Variants in SP100 observed in about 807,000 individuals in gnomAD.
The protein encoded by SP100 is nuclear autoantigen Sp-100.
In SP100, 84 loss-of-function variants were observed where a neutral mutation model predicts 130.0. That is an observed-to-expected ratio of 0.65 (90% CI 0.54 to 0.77). The LOEUF (loss-of-function observed/expected upper bound fraction) is 0.77. Ranked by LOEUF, SP100 falls within the 30% of genes least tolerant of loss-of-function variation. The pLI is 0.00. For missense variants in SP100, 978 were observed against 1,052.2 expected, an observed-to-expected ratio of 0.93 and a Z score of 0.97; for synonymous variants, 331 against 351.7, an observed-to-expected ratio of 0.94 and a Z score of 0.66.
chr2:230,433,810 A>C (rs760303716), intron 2 of SP100, among the ~76,000 whole-genome samples: 4 of 151,308 alleles, frequency 2.6e-5, no homozygotes, highest in African/African-American at 9.7e-5. Flanking sequence ...AATATTATTC[A>C]TAACTTATTC....
chr2:230,503,043 ATGT>A lies in SP100; in HGVS notation c.1721-18_1721-16del. 6.4e-7 allele frequency: 1 copy of A among 1,570,288 alleles called. No homozygotes were observed. Among genetic ancestry groups the A allele is most frequent in the Non-Finnish European group, 8.7e-7 (1 of 1,149,056 alleles). On this transcript the variant is annotated intron_variant, in intron 19 of 28. Coordinates refer to ENST00000340126, the MANE Select transcript of SP100 (RefSeq NM_001080391.2). Reference sequence around the variant, plus strand: ...CTATTTGCAATGTAAAGAGACATTTATGTTGTTTTTCAACTTTCTCAGGAAGAA... The same window carrying A: ...CTATTTGCAATGTAAAGAGACATTTATGTTTTTCAACTTTCTCAGGAAGAA...
chr2:230,503,331 G>T (rs1340993789), intron 20 of SP100, among the ~76,000 whole-genome samples: 2 of 152,098 alleles, frequency 1.3e-5, no homozygotes, highest in Non-Finnish European at 2.9e-5. Context: ...TGAGCAATGT[G>T]CACGTTCTTT....
At chr2:230,461,154 G>A in intron 8 of SP100, 108 bp from the exon 9 acceptor site, 1 of 1,009,530 alleles carries the variant, frequency 9.9e-7, no homozygotes, top group Non-Finnish European at 1.5e-6. Flanking sequence ...CGGAGGTGGG[G>A]TGAAGGTCTA....
At chr2:230,416,759 C>A (rs981494271) in intron 1 of SP100, 1 of 988,342 alleles carries the variant, frequency 1.0e-6, no homozygotes. Flanking sequence ...AAACATCAGA[C>A]GCTGTGGTCT....
chr2:230,479,466 C>T (rs1311016020), intron 17 of SP100, among the ~76,000 whole-genome samples: 3 of 152,138 alleles, frequency 2.0e-5, no homozygotes, highest in Admixed American at 6.5e-5. Context: ...GACCTCATCA[C>T]GCTTCCCTTT....
rs1316896255 is a variant in SP100, at chr2:230,511,160, C to T, written c.2088C>T (p.Asp696=). 27 of 1,607,544 alleles carry T rather than the reference C, an allele frequency of 1.7e-5. No individual in the cohort carries two copies. Among genetic ancestry groups the T allele is most frequent in the Non-Finnish European group, 2.3e-5 (27 of 1,174,158 alleles). The change falls in exon 24 of 29, where the codon GAC becomes GAT. Residue 696 remains aspartate, a synonymous_variant. Transcript: ENST00000340126. The part of the protein sequence containing the change: ...ILESHNNTLV[D]PCPENSNICE... ...AATCTCACAACAATACCTTAGTTGA[C>T]CCTTGTGTAAGTATAAATTTCCGAC...
At position 230,464,058 on chromosome 2, in the gene SP100, T is replaced by G; in HGVS notation, c.1058-9T>G. On this transcript the variant is annotated splice_polypyrimidine_tract_variant and intron_variant, in intron 10 of 28. Coordinates refer to ENST00000340126, the MANE Select transcript of SP100 (RefSeq NM_001080391.2). ...TGAGACCTCTAAAGAATCCCATTCT[T>G]TTGTGCAGTGATCAATAATGACAAC... 1 of 1,597,548 alleles carries G rather than the reference T, an allele frequency of 6.3e-7. No homozygotes were observed. The highest frequency in any genetic ancestry group is 1.7e-5 in the Admixed American group (1 of 59,964).
In SP100 at chr2:230,537,673, C is replaced by A. The variant is rs570887998; in HGVS notation, c.2095-1594C>A. 5.9e-5 allele frequency: 9 copies of A among 152,420 alleles called. No homozygotes were observed. In the South Asian group the frequency reaches 1.9e-3, roughly 32 times the overall value. The allele number at this position is 152,420 out of a possible 1,614,324, so 9.4% of individuals were successfully genotyped here. On this transcript the variant is annotated intron_variant, in intron 24 of 28. Transcript: ENST00000340126. ...TTGTAATGTGGGTTTTCAACCTTGG[C>A]TGCACGTTGCAATCACCTGGGGATC...
At chr2:230,416,368 C>T (rs1053106413) in intron 1 of SP100, 40 bp downstream of exon 1, 9 of 1,582,132 alleles carry the variant, frequency 5.7e-6, no homozygotes, top group Admixed American at 3.4e-5. Flanking sequence ...TTATCTCTGG[C>T]TATATTGCAG....
intron 23 of SP100, chr2:230,508,259 A>C: frequency 1.9e-6 from 1 of 538,618 alleles, no homozygotes; most frequent in Non-Finnish European, 3.0e-6. Context: ...AAATAGATTA[A>C]AAGACAGAAC....
At chr2:230,437,895 C>T (rs2063342711) in intron 2 of SP100, among the ~76,000 whole-genome samples, 1 of 152,144 alleles carries the variant, frequency 6.6e-6, no homozygotes, top group Non-Finnish European at 1.5e-5. Flanking sequence ...AATATTAAAT[C>T]ACTCATTAAT....
At chr2:230,452,655 G>C (rs1047447316) in intron 8 of SP100, among the ~76,000 whole-genome samples, 5 of 152,002 alleles carry the variant, frequency 3.3e-5, no homozygotes, top group Non-Finnish European at 7.4e-5. Flanking sequence ...CACCTCCTTA[G>C]TTAAATTTAT....
intron 17 of SP100, 130 bp downstream of exon 17, chr2:230,474,577 T>A (rs1441926303): frequency 1.7e-6 from 1 of 590,922 alleles, no homozygotes. Flanking sequence ...GCAGGTTTGT[T>A]ACATGGGTAA....
chr2:230,508,133 T>A (rs1446378348), intron 23 of SP100, 102 bp downstream of exon 23: 3 of 1,537,124 alleles, frequency 2.0e-6, no homozygotes, highest in Non-Finnish European at 1.8e-6. Flanking sequence ...ATCATAAAAT[T>A]TGATTTTATA....
At chr2:230,454,585 G>A (rs917711895) in intron 8 of SP100, among the ~76,000 whole-genome samples, 2 of 151,856 alleles carry the variant, frequency 1.3e-5, no homozygotes, top group Non-Finnish European at 2.9e-5. Flanking sequence ...CCATGTATTT[G>A]CAAATTTTTC....
At chr2:230,444,831 G>T (rs1423806068) in intron 4 of SP100, among the ~76,000 whole-genome samples, 1 of 152,158 alleles carries the variant, frequency 6.6e-6, no homozygotes, top group Non-Finnish European at 1.5e-5. Context: ...GGCAAGCTGA[G>T]TTACAAGAGT....
chr2:230,534,811 C>A (rs1404968891), intron 24 of SP100, among the ~76,000 whole-genome samples: 1 of 152,102 alleles, frequency 6.6e-6, no homozygotes. Flanking sequence ...CAGAAATAAC[C>A]AAATTTCCTC....
At chr2:230,484,273 G>T (rs147327250) in intron 17 of SP100, among the ~76,000 whole-genome samples, 1 of 152,328 alleles carries the variant, frequency 6.6e-6, no homozygotes, top group African/African-American at 2.4e-5. Flanking sequence ...CAAATAATTT[G>T]CCACACTGCA....
In SP100 at chr2:230,539,324, G is replaced by A. The variant is rs750581118; in HGVS notation, c.2152G>A (p.Asp718Asn). Residue 718 changes from aspartate (D) to asparagine (N), a missense_variant, in exon 25 of 29, where the codon GAC becomes AAC. Physicochemically the swap from Asp to Asn is conservative, Grantham distance 23. Coordinates refer to ENST00000340126, the MANE Select transcript of SP100 (RefSeq NM_001080391.2). ...CNKWGRLFCC[D>N]TCPRSFHEHC... ...CAAATGGGGACGGCTGTTCTGCTGC[G>A]ACACTTGTCCAAGATCCTTTCATGA... The A allele has an allele frequency of 1.7e-5, 28 of 1,613,840 alleles. No individual in the cohort carries two copies. The highest frequency in any genetic ancestry group is 1.1e-4 in the South Asian group (10 of 91,064).
Sources: allele counts gnomAD v4.1 joint callset (sites outside exome capture counted in the v4.1 genomes callset), GRCh38; gene constraint gnomAD v4.1.1; transcripts MANE v1.5; gene names NCBI Gene and HGNC (gene_info 2026-07-23, HGNC 2026-07-21).